The following ADD3 variants were observed in gnomAD, a reference collection of about 807,000 sequenced individuals.
ADD3 encodes the protein adducin 3, also known as gamma-adducin.
Under a neutral mutation model 80.2 loss-of-function variants are expected in ADD3, and 25 were observed. That is an observed-to-expected ratio of 0.31 (90% CI 0.23 to 0.44). ADD3 has a LOEUF of 0.44. ADD3 is among the 20% of genes least tolerant of loss of function. The pLI is 1.00. For synonymous variants in ADD3, 284 were observed against 289.6 expected (o/e 0.98, Z 0.20); for missense variants, 829 against 847.5 (o/e 0.98, Z 0.27).
intron 2 of ADD3, among the ~76,000 whole-genome samples, chr10:110,101,764 GA>G (rs1345397473): frequency 6.6e-6 from 1 of 152,112 alleles, no homozygotes. Context: ...ATTAATACAT[GA>G]TGGAAAATGA....
intron 1 of ADD3, among the ~76,000 whole-genome samples, chr10:110,019,005 A>C (rs145450966): frequency 6.6e-6 from 1 of 152,198 alleles, no homozygotes; most frequent in Non-Finnish European, 1.5e-5. Context: ...AATCCTCATC[A>C]TTCCCAGCGC....
rs536636496 is a variant in ADD3 at position 110,087,203 on chromosome 10, A to G, written c.-29-13422A>G. 1.4e-4 allele frequency among the ~76,000 whole-genome samples: 22 copies of G among 151,812 alleles called. 1 individual carries two copies. In the East Asian group the frequency reaches 3.5e-3, roughly 24 times the overall value. On this transcript the variant is annotated intron_variant, in intron 1 of 14. Transcript: ENST00000356080. ...ACCACCACGCCCAGCTAATTTTTGT[A>G]TTTTTAGTAGGGATGGAGTTTAGTA...
chr10:110,068,642 C>A (rs2133608446), intron 1 of ADD3, among the ~76,000 whole-genome samples: 1 of 152,240 alleles, frequency 6.6e-6, no homozygotes, highest in Middle Eastern at 3.4e-3. Context: ...ATTTCCTACT[C>A]CAGGATTAAA....
At chr10:110,079,821 G>A (rs548151445) in intron 1 of ADD3, among the ~76,000 whole-genome samples, 2 of 152,256 alleles carry the variant, frequency 1.3e-5, no homozygotes, top group African/African-American at 2.4e-5. Context: ...GATTGCAGGC[G>A]TGAGCCACTG....
intron 1 of ADD3, among the ~76,000 whole-genome samples, chr10:110,080,212 G>A (rs1351540524): frequency 6.6e-6 from 1 of 152,184 alleles, no homozygotes; most frequent in East Asian, 1.9e-4. Context: ...TGGGTTCAAA[G>A]TCGGGTAACT....
At chr10:110,022,419 T>A (rs1226926048) in intron 1 of ADD3, among the ~76,000 whole-genome samples, 1 of 152,196 alleles carries the variant, frequency 6.6e-6, no homozygotes, top group African/African-American at 2.4e-5. Flanking sequence ...GCTAAAATAT[T>A]TCTAAATTAC....
intron 1 of ADD3, among the ~76,000 whole-genome samples, chr10:109,997,883 G>A (rs750317881): frequency 3.3e-5 from 5 of 152,202 alleles, no homozygotes; most frequent in African/African-American, 7.2e-5. Context: ...TAAGATGGGG[G>A]CTGATGCTAA....
intron 1 of ADD3, among the ~76,000 whole-genome samples, chr10:110,048,779 G>A (rs1589867528): frequency 6.6e-6 from 1 of 152,168 alleles, no homozygotes; most frequent in East Asian, 1.9e-4. Context: ...AGAGCATAAA[G>A]GTTTGGAAAA....
intron 1 of ADD3, among the ~76,000 whole-genome samples, chr10:110,076,579 A>G (rs1426957155): frequency 1.3e-5 from 2 of 152,142 alleles, no homozygotes; most frequent in African/African-American, 4.8e-5. Context: ...GGAGAGAAAG[A>G]GGTAATTTGT....
intron 1 of ADD3, among the ~76,000 whole-genome samples, chr10:110,079,756 G>T (rs1226189442): frequency 6.6e-6 from 1 of 152,000 alleles, no homozygotes; most frequent in Non-Finnish European, 1.5e-5. Context: ...GGCCGGGCTG[G>T]TCTCAAACTC....
rs1852078031 is a variant in ADD3 at position 110,125,820 on chromosome 10, C to A, written c.1402-6C>A. 6.4e-7 allele frequency: 1 copy of A among 1,565,660 alleles called. No individual in the cohort carries two copies. Among genetic ancestry groups the A allele is most frequent in the Non-Finnish European group, 8.7e-7 (1 of 1,151,558 alleles). On this transcript the variant is annotated splice_polypyrimidine_tract_variant and splice_region_variant and intron_variant, in intron 10 of 14. Transcript: ENST00000356080. Reference sequence around the variant, plus strand: ...GCTTCATTTTAGAAAATTTTTGATTCTTTAGTGGATGAAAGCAGAAGACTC... The same window carrying A: ...GCTTCATTTTAGAAAATTTTTGATTATTTAGTGGATGAAAGCAGAAGACTC...
At position 110,117,034 on chromosome 10, in the gene ADD3, T is replaced by C. The variant is rs57787539; in HGVS notation, c.487-308T>C. ...AAGTTATAAATTAAGGTTATAATTA[T>C]TACCACATTGGCTTGAATAATATTA... On this transcript the variant is annotated intron_variant, in intron 4 of 14. Transcript: ENST00000356080. Among the ~76,000 whole-genome samples the C allele has an allele frequency of 7.0e-3, 1,067 of 152,306 alleles. 16 individuals carry two copies. Among genetic ancestry groups the C allele is most frequent in the African/African-American group, 0.025 (1,029 of 41,558 alleles).
chr10:110,121,136 C>T (rs891494567), intron 8 of ADD3, among the ~76,000 whole-genome samples: 83 of 152,052 alleles, frequency 5.5e-4, no homozygotes, highest in Non-Finnish European at 6.6e-4. Context: ...CAACAAAAGA[C>T]AAAATTGACA....
At chr10:110,103,603 A>G (rs964581417) in intron 2 of ADD3, among the ~76,000 whole-genome samples, 1 of 152,166 alleles carries the variant, frequency 6.6e-6, no homozygotes, top group Non-Finnish European at 1.5e-5. Context: ...CTTCTGCCAT[A>G]TTTATTAGTT....
intron 1 of ADD3, among the ~76,000 whole-genome samples, chr10:110,042,710 T>C (rs1856510631): frequency 6.8e-6 from 1 of 147,016 alleles, no homozygotes; most frequent in Non-Finnish European, 1.5e-5. Flanking sequence ...TTTCCATCAG[T>C]TTTTTTACTT....
chr10:110,062,210 A>T (rs1858997298), intron 1 of ADD3, among the ~76,000 whole-genome samples: 1 of 88,310 alleles, frequency 1.1e-5, no homozygotes, highest in Non-Finnish European at 2.1e-5. Flanking sequence ...TAAAAAAAAA[A>T]AAAAAAAAAA....
intron 1 of ADD3, among the ~76,000 whole-genome samples, chr10:110,026,284 T>G (rs1442853275): frequency 6.7e-6 from 1 of 148,754 alleles, no homozygotes; most frequent in Non-Finnish European, 1.5e-5. Context: ...GTTTTCTTGT[T>G]TTTTTTTTTT....
intron 1 of ADD3, among the ~76,000 whole-genome samples, chr10:110,010,091 A>G (rs995315259): frequency 6.6e-6 from 1 of 152,164 alleles, no homozygotes; most frequent in Non-Finnish European, 1.5e-5. Context: ...CTGCCTAATT[A>G]TGTTTAAAGT....
At chr10:110,019,052 C>T (rs561160829) in intron 1 of ADD3, among the ~76,000 whole-genome samples, 2 of 152,266 alleles carry the variant, frequency 1.3e-5, no homozygotes, top group South Asian at 2.1e-4. Flanking sequence ...AAGAGATGTA[C>T]GATTTTAAAA....
Sources: gnomAD v4.1 joint callset for allele counts (sites outside exome capture counted in the v4.1 genomes callset) on GRCh38, gnomAD v4.1.1 for gene constraint, MANE v1.5 for transcripts, NCBI Gene and HGNC (gene_info 2026-07-23, HGNC 2026-07-21) for gene names.